ASTN2: variants seen among roughly 807,000 people sequenced by gnomAD.
ASTN2 encodes astrotactin 2.
A neutral mutation model predicts 139.8 loss-of-function variants in ASTN2; 54 were observed. That is an observed-to-expected ratio of 0.39 (90% CI 0.31 to 0.48). ASTN2 has a LOEUF of 0.48. Among genes scored for constraint, ASTN2 ranks in the 20% least tolerant of loss-of-function variants. ASTN2 has a pLI of 0.95. For missense variants in ASTN2, 1,565 were observed against 1,725.1 expected (o/e 0.91, Z 1.64); for synonymous variants, 756 against 719.5 (o/e 1.05, Z -0.81).
intron 17 of ASTN2, 140 bp from the exon 18 acceptor site, chr9:116,620,583 G>C (rs1856089729): frequency 9.3e-7 from 1 of 1,078,090 alleles, no homozygotes; most frequent in Admixed American, 1.9e-5. Flanking sequence ...TATTCCCTAA[G>C]TTCCTTGCAC....
chr9:117,324,631 TG>T (rs1338841840), intron 1 of ASTN2, among the ~76,000 whole-genome samples: 1 of 152,024 alleles, frequency 6.6e-6, no homozygotes, highest in Non-Finnish European at 1.5e-5. Flanking sequence ...GAGATTTGGG[TG>T]GGGACACAGA....
At chr9:116,502,790 G>T (rs1394173098) in intron 19 of ASTN2, among the ~76,000 whole-genome samples, 1 of 145,378 alleles carries the variant, frequency 6.9e-6, no homozygotes, top group Non-Finnish European at 1.5e-5. Context: ...TGGAAGGAAA[G>T]AAAAAAGGAA....
At chr9:117,215,719 C>A (rs1172280658) in intron 2 of ASTN2, among the ~76,000 whole-genome samples, 2 of 152,018 alleles carry the variant, frequency 1.3e-5, no homozygotes, top group African/African-American at 4.8e-5. Flanking sequence ...TCCAGGCCTC[C>A]CCTCAATTGT....
At chr9:116,754,149 T>C (rs954660851) in intron 13 of ASTN2, among the ~76,000 whole-genome samples, 3 of 152,238 alleles carry the variant, frequency 2.0e-5, no homozygotes, top group Admixed American at 6.5e-5. Context: ...CTCATCTTTT[T>C]TTATGGCTGC....
intron 6 of ASTN2, among the ~76,000 whole-genome samples, chr9:117,031,682 T>C (rs755642765): frequency 3.3e-5 from 5 of 151,986 alleles, no homozygotes; most frequent in Non-Finnish European, 5.9e-5. Context: ...CTAGGGTAAA[T>C]GAGAGAAACT....
intron 19 of ASTN2, 62 bp downstream of exon 19, chr9:116,618,262 G>T: frequency 6.5e-7 from 1 of 1,534,680 alleles, no homozygotes; most frequent in Non-Finnish European, 8.8e-7. Context: ...AAAGACAGTA[G>T]AAAATCCCAG....
chr9:117,414,754 G>T lies in ASTN2; in HGVS notation c.185C>A (p.Pro62Gln). The T allele has an allele frequency of 7.9e-7, 1 of 1,267,930 alleles. No homozygotes were observed. Among genetic ancestry groups the T allele is most frequent in the Non-Finnish European group, 9.9e-7 (1 of 1,005,356 alleles). 78.5% of individuals were successfully genotyped at this position (1,267,930 alleles called of 1,614,324 possible). A position where few individuals can be genotyped will look rare whatever the true frequency, so the allele number is the denominator to read the frequency against. ...CACCGTGACGGTCTTCAGCCGGCAC[G>T]GGCTGTCGGGCTCCCGCGAGGCAGC... ...TAAASREPDS[P>Q]CRLKTVTVST... The change falls in exon 1 of 23, where the codon CCG becomes CAG. Residue 62 changes from proline (P) to glutamine (Q), a missense_variant. Pro to Gln is a moderately conservative substitution (Grantham distance 76). Transcript: ENST00000313400. The surrounding 1 kb of genome is among the most constrained non-coding windows in gnomAD (Gnocchi z 4.2).
chr9:116,726,845 T>C (rs1291692786), intron 15 of ASTN2, among the ~76,000 whole-genome samples: 1 of 152,204 alleles, frequency 6.6e-6, no homozygotes, highest in Admixed American at 6.5e-5. Flanking sequence ...TCCTCCCTGC[T>C]ACTGGACAAA....
At chr9:116,734,354 C>A (rs1169212813) in intron 13 of ASTN2, among the ~76,000 whole-genome samples, 1 of 152,124 alleles carries the variant, frequency 6.6e-6, no homozygotes, top group South Asian at 2.1e-4. Flanking sequence ...CAGAGGGAGG[C>A]AGGTTTCATT....
At chr9:117,159,387 A>G (rs1830498760) in intron 3 of ASTN2, among the ~76,000 whole-genome samples, 1 of 152,032 alleles carries the variant, frequency 6.6e-6, no homozygotes, top group Non-Finnish European at 1.5e-5. Flanking sequence ...CGAAAAAGAA[A>G]AAGTGTTGGA....
intron 19 of ASTN2, among the ~76,000 whole-genome samples, chr9:116,560,968 G>T (rs747267457): frequency 6.6e-6 from 1 of 152,212 alleles, no homozygotes; most frequent in African/African-American, 2.4e-5. Flanking sequence ...AAATGTACAT[G>T]TGTTGTTATG....
chr9:117,398,571 A>ATGTGCCGC (rs1456287010), intron 1 of ASTN2, among the ~76,000 whole-genome samples: 5 of 152,140 alleles, frequency 3.3e-5, no homozygotes, highest in African/African-American at 1.2e-4. Flanking sequence ...CCTGCAAGAA[A>ATGTGCCGC]CTTCAGAATG....
At chr9:117,229,072 A>G (rs1360166671) in intron 2 of ASTN2, among the ~76,000 whole-genome samples, 1 of 152,166 alleles carries the variant, frequency 6.6e-6, no homozygotes, top group Non-Finnish European at 1.5e-5. Flanking sequence ...TAATCCAGGT[A>G]GTAGAGATAA....
chr9:117,170,002 T>A (rs1830754550), intron 3 of ASTN2, among the ~76,000 whole-genome samples: 1 of 152,108 alleles, frequency 6.6e-6, no homozygotes, highest in Admixed American at 6.6e-5. Flanking sequence ...TTCCAGCACA[T>A]CCTACCTCTG....
intron 3 of ASTN2, among the ~76,000 whole-genome samples, chr9:117,169,951 G>C (rs994021751): frequency 6.6e-6 from 1 of 152,118 alleles, no homozygotes; most frequent in Admixed American, 6.6e-5. Context: ...CTTGGAAGGA[G>C]AGCAGCTCTG....
At chr9:116,586,619 A>C (rs1172963755) in intron 19 of ASTN2, among the ~76,000 whole-genome samples, 2 of 152,052 alleles carry the variant, frequency 1.3e-5, no homozygotes, top group Non-Finnish European at 2.9e-5. Context: ...AGATAGCAAC[A>C]ATAGACACTG....
intron 20 of ASTN2, among the ~76,000 whole-genome samples, chr9:116,451,165 G>C (rs946872661): frequency 1.3e-5 from 2 of 152,170 alleles, no homozygotes; most frequent in African/African-American, 4.8e-5. Context: ...ACCTGGAAAC[G>C]GTGCTAGGCA....
At chr9:116,484,812 G>A (rs55878189) in intron 20 of ASTN2, among the ~76,000 whole-genome samples, 1 of 152,324 alleles carries the variant, frequency 6.6e-6, no homozygotes, top group African/African-American at 2.4e-5. Flanking sequence ...GTCAGGCAGT[G>A]AGGAAAAGAA....
At chr9:116,442,397 C>T in intron 21 of ASTN2, 56 bp downstream of exon 21, 1 of 1,367,498 alleles carries the variant, frequency 7.3e-7, no homozygotes, top group South Asian at 1.2e-5. Flanking sequence ...CTGTTGGGTG[C>T]AGAACTTAGG....
Sources: allele counts gnomAD v4.1 joint callset (sites outside exome capture counted in the v4.1 genomes callset), GRCh38; gene constraint gnomAD v4.1.1; non-coding constraint Gnocchi (gnomAD v3.1); transcripts MANE v1.5; gene names NCBI Gene and HGNC (gene_info 2026-07-23, HGNC 2026-07-21).